The following PRKCZ variants were observed in gnomAD, a reference collection of about 807,000 sequenced individuals.
PRKCZ encodes protein kinase C zeta type.
A neutral mutation model predicts 79.5 loss-of-function variants in PRKCZ; 33 were observed. That is an observed-to-expected ratio of 0.41 (90% CI 0.31 to 0.55). The LOEUF is 0.55. PRKCZ is among the 20% of genes least tolerant of loss of function. The probability of loss-of-function intolerance (pLI) is 0.19; values close to 1 mark genes in which losing one functional copy is unlikely to be tolerated. For missense variants in PRKCZ, 578 were observed against 813.5 expected, an observed-to-expected ratio of 0.71 and a Z score of 3.52; for synonymous variants, 342 against 320.9, an observed-to-expected ratio of 1.07 and a Z score of -0.70.
In PRKCZ at chr1:2,174,649, C is replaced by T; in HGVS notation, c.1406-105C>T. The T allele has an allele frequency of 8.0e-7, 1 of 1,255,972 alleles. No individual in the cohort carries two copies. Among genetic ancestry groups the T allele is most frequent in the Non-Finnish European group, 1.1e-6 (1 of 885,978 alleles). The allele number at this position is 1,255,972 out of a possible 1,614,324, so 77.8% of individuals were successfully genotyped here. On this transcript the variant is annotated intron_variant, in intron 14 of 17. Transcript: ENST00000378567. This position sits in a 1 kb window ranked among gnomAD's most constrained non-coding sequence, Gnocchi z 6.2. ...TGTAGGAAGGGAGGGGCTCCGGGGCCCCAAGGCTGAGCTCCCAAAGCTCTT... is the reference window on the plus strand; with the variant it reads ...TGTAGGAAGGGAGGGGCTCCGGGGCTCCAAGGCTGAGCTCCCAAAGCTCTT...
chr1:2,113,836 G>T (rs1670213861), intron 4 of PRKCZ, among the ~76,000 whole-genome samples: 1 of 152,070 alleles, frequency 6.6e-6, no homozygotes, highest in Admixed American at 6.5e-5. Context: ...GGAGGAGGGA[G>T]GTCAAGGCAC....
rs199759954 is a variant in PRKCZ at position 2,144,309 on chromosome 1, G to A, written c.520G>A (p.Gly174Ser). 1.2e-4 allele frequency: 194 copies of A among 1,575,310 alleles called. 1 individual carries two copies. The highest frequency in any genetic ancestry group is 6.7e-4 in the East Asian group (29 of 43,586). Reference protein sequence around the residue: ...CKLLVHKRCHGLVPLTCRKHM... With the variant: ...CKLLVHKRCHSLVPLTCRKHM... ...ACTGCTGGTCCATAAGCGCTGCCAC[G>A]GCCTCGTCCCGCTGACCTGCAGGAA... is the stretch of plus-strand genomic sequence containing the variant. Residue 174 changes from glycine to serine, a missense_variant, in exon 6 of 18, where the codon GGC becomes AGC. By Grantham distance (56) the Gly-to-Ser change is moderately conservative (BLOSUM62 0). This residue lies in a region of PRKCZ where 16 missense variants were observed against 37.4 expected (regional missense o/e 0.43). Transcript: ENST00000378567.
intron 4 of PRKCZ, among the ~76,000 whole-genome samples, chr1:2,068,891 A>G (rs981219352): frequency 2.6e-5 from 4 of 152,184 alleles, no homozygotes; most frequent in African/African-American, 9.6e-5. Context: ...TGGCTGGGAC[A>G]GGCCCAGCCG....
chr1:2,056,597 G>C, intron 3 of PRKCZ, 24 bp downstream of exon 3: 1 of 1,602,684 alleles, frequency 6.2e-7, no homozygotes, highest in East Asian at 2.2e-5. Context: ...TCTGTGGTGG[G>C]CAGCTCTGGG....
intron 4 of PRKCZ, among the ~76,000 whole-genome samples, chr1:2,083,226 C>T (rs1183380610): frequency 3.3e-5 from 5 of 152,048 alleles, no homozygotes; most frequent in Admixed American, 2.6e-4. Context: ...GTGGCTGCGT[C>T]CATGTCTGGA....
chr1:2,140,331 T>C (rs983715793), intron 5 of PRKCZ, among the ~76,000 whole-genome samples: 1 of 151,832 alleles, frequency 6.6e-6, no homozygotes, highest in Non-Finnish European at 1.5e-5. Context: ...GTGTGACAGG[T>C]CTAAAACATG....
intron 2 of PRKCZ, 128 bp downstream of exon 2, chr1:2,055,690 C>A: frequency 7.3e-7 from 1 of 1,373,248 alleles, no homozygotes; most frequent in Non-Finnish European, 9.7e-7. Flanking sequence ...AACTTGTTGG[C>A]GCCAACTTTT....
chr1:2,096,264 C>T (rs1432297494), intron 4 of PRKCZ, among the ~76,000 whole-genome samples: 2 of 151,916 alleles, frequency 1.3e-5, no homozygotes, highest in Non-Finnish European at 2.9e-5. Context: ...GCCTGGGAGG[C>T]GCACGGCAGC....
At chr1:2,068,530 G>A (rs552371406) in intron 4 of PRKCZ, among the ~76,000 whole-genome samples, 2 of 152,382 alleles carry the variant, frequency 1.3e-5, no homozygotes, top group East Asian at 3.9e-4. Context: ...CACCAGGGCA[G>A]TCCAGGACAT....
intron 4 of PRKCZ, among the ~76,000 whole-genome samples, chr1:2,079,582 A>C (rs1346472953): frequency 6.6e-6 from 1 of 152,214 alleles, no homozygotes; most frequent in Non-Finnish European, 1.5e-5. Context: ...CGTGATGGTA[A>C]AAGGCTTGGC....
rs759824255 is a variant in PRKCZ at position 2,059,409 on chromosome 1, C to T, written c.284-132C>T. ...GTTTTGCGTCTCCCAGGAGCGGGCT[C>T]TCATTGGCAGTGCCACGTGCGCCTT... is the stretch of plus-strand genomic sequence containing the variant. On this transcript the variant is annotated intron_variant, in intron 3 of 17. Coordinates refer to ENST00000378567, the MANE Select transcript of PRKCZ (RefSeq NM_002744.6). 8.0e-5 allele frequency: 87 copies of T among 1,083,444 alleles called. No individual in the cohort carries two copies. In the Admixed American group the frequency reaches 9.3e-4, roughly 12 times the overall value. 67.1% of individuals were successfully genotyped at this position (1,083,444 alleles called of 1,614,324 possible). A position where few individuals can be genotyped will look rare whatever the true frequency, so the allele number is the denominator to read the frequency against.
At chr1:2,143,090 G>A (rs1315397596) in intron 5 of PRKCZ, 2 of 144,302 alleles carry the variant, frequency 1.4e-5, no homozygotes, top group Admixed American at 7.1e-5. Context: ...GTGCAGTGAC[G>A]CAATCTCGGC....
chr1:2,133,689 C>T (rs1016956191), intron 4 of PRKCZ: 2 of 153,156 alleles, frequency 1.3e-5, no homozygotes, highest in Non-Finnish European at 2.9e-5. Context: ...CGACTCGGCC[C>T]CTCAGCTGTG....
At chr1:2,077,102 G>A (rs949630958) in intron 4 of PRKCZ, among the ~76,000 whole-genome samples, 1 of 152,228 alleles carries the variant, frequency 6.6e-6, no homozygotes, top group African/African-American at 2.4e-5. Context: ...ACAGATCCCT[G>A]CTGCCGGTTG....
Position 2,128,138 on chromosome 1 carries a change from T to C in PRKCZ, c.335-7124T>C, listed in dbSNP as rs895650111. ...AGCTGCACCCTGGCTTCTGGGGACC[T>C]CTGGGCCCAAGGGCACCTCACTGTC... On this transcript the variant is annotated intron_variant, in intron 4 of 17. Coordinates refer to ENST00000378567, the MANE Select transcript of PRKCZ (RefSeq NM_002744.6). This position sits in a 1 kb window ranked among gnomAD's most constrained non-coding sequence, Gnocchi z 6.5. Among the ~76,000 whole-genome samples the C allele has an allele frequency of 6.6e-6, 1 of 152,200 alleles. No individual in the cohort carries two copies. The highest frequency in any genetic ancestry group is 1.5e-5 in the Non-Finnish European group (1 of 68,020).
chr1:2,051,270 G>A (rs1659620939), intron 1 of PRKCZ, among the ~76,000 whole-genome samples: 1 of 152,194 alleles, frequency 6.6e-6, no homozygotes, highest in Non-Finnish European at 1.5e-5. Context: ...CCCCCCGGAG[G>A]CCCTTGCCTG....
In PRKCZ at chr1:2,127,404, C is replaced by T. The variant is rs1030804358; in HGVS notation, c.335-7858C>T. Among the ~76,000 whole-genome samples, 18 of 151,022 alleles carry T rather than the reference C, an allele frequency of 1.2e-4. No individual in the cohort carries two copies. The highest frequency in any genetic ancestry group is 2.5e-4 in the Non-Finnish European group (17 of 67,850). On this transcript the variant is annotated intron_variant, in intron 4 of 17. Coordinates refer to ENST00000378567, the MANE Select transcript of PRKCZ (RefSeq NM_002744.6). This position sits in a 1 kb window ranked among gnomAD's most constrained non-coding sequence, Gnocchi z 5.1. Reference sequence around the variant, plus strand: ...GGCTGCACCTCCACTGCCCCCCCCACCGCCGCCCCTGCCCCACGGCCACCC... The same window carrying T: ...GGCTGCACCTCCACTGCCCCCCCCATCGCCGCCCCTGCCCCACGGCCACCC...
rs1394921474 is a variant in PRKCZ, at chr1:2,074,182, C to T, written c.334+14591C>T. ...AACGCAGTGAGAGGCTGTTGTTTTG[C>T]GGGTGACAGATTTTTAGAAAAATAA... On this transcript the variant is annotated intron_variant, in intron 4 of 17. Transcript: ENST00000378567. 66 of 1,549,628 alleles carry T rather than the reference C, an allele frequency of 4.3e-5. No homozygotes were observed. In the South Asian group the frequency reaches 4.8e-4, roughly 11 times the overall value.
intron 3 of PRKCZ, among the ~76,000 whole-genome samples, 179 bp downstream of exon 3, chr1:2,056,752 G>A (rs1451455389): frequency 1.1e-4 from 16 of 144,008 alleles, no homozygotes; most frequent in African/African-American, 2.4e-4. Flanking sequence ...TTTTTGAGAC[G>A]GAGTCTTGCT....
Sources: gnomAD v4.1 joint callset for allele counts (sites outside exome capture counted in the v4.1 genomes callset) on GRCh38, gnomAD v4.1.1 for gene constraint, gnomAD v4.1.1 regional missense constraint, Gnocchi (gnomAD v3.1) non-coding constraint, MANE v1.5 for transcripts, NCBI Gene and HGNC (gene_info 2026-07-23, HGNC 2026-07-21) for gene names.